Variants in RBFOX1 observed in about 807,000 individuals in gnomAD.
RBFOX1 encodes RNA binding protein fox-1 homolog 1.
RBFOX1 carries 8 observed loss-of-function variants against 57.7 expected under a neutral mutation model. That is an observed-to-expected ratio of 0.14 (90% CI 0.08 to 0.25). The LOEUF is 0.25. Among genes scored for constraint, RBFOX1 ranks in the 10% least tolerant of loss-of-function variants. The pLI is 1.00. For missense variants in RBFOX1, 611 were observed against 548.5 expected (o/e 1.11, Z -1.14); for synonymous variants, 326 against 222.4 (o/e 1.47, Z -4.15).
chr16:6,238,108 A>AG (rs2097520749), intron 1 of RBFOX1, among the ~76,000 whole-genome samples: 1 of 147,722 alleles, frequency 6.8e-6, no homozygotes, highest in East Asian at 2.0e-4. Flanking sequence ...AAAAAAAAAA[A>AG]AAAGAAAGAA....
chr16:7,289,607 T>TA (rs2095721076), intron 4 of RBFOX1, among the ~76,000 whole-genome samples: 1 of 152,124 alleles, frequency 6.6e-6, no homozygotes, highest in African/African-American at 2.4e-5. Context: ...ACTTTCATCA[T>TA]AGTCATCACC....
chr16:6,927,439 A>AAAAAAAC (rs869233820), intron 3 of RBFOX1, among the ~76,000 whole-genome samples: 6 of 149,658 alleles, frequency 4.0e-5, no homozygotes, highest in Non-Finnish European at 7.4e-5. Flanking sequence ...AAAAAAAAAA[A>AAAAAAAC]TCCGAACGTC....
chr16:7,444,160 G>C (rs537950664), intron 4 of RBFOX1, among the ~76,000 whole-genome samples: 1 of 152,212 alleles, frequency 6.6e-6, no homozygotes, highest in Non-Finnish European at 1.5e-5. Context: ...AGGGTTATTA[G>C]TTCAGATTAT....
intron 4 of RBFOX1, among the ~76,000 whole-genome samples, chr16:7,093,602 C>T (rs1381875563): frequency 1.3e-5 from 2 of 152,154 alleles, no homozygotes; most frequent in Non-Finnish European, 2.9e-5. Flanking sequence ...TAGAGGGAAA[C>T]TGGATGGATC....
At chr16:7,246,114 A>G (rs777260273) in intron 4 of RBFOX1, among the ~76,000 whole-genome samples, 33 of 152,312 alleles carry the variant, frequency 2.2e-4, no homozygotes, top group Non-Finnish European at 3.7e-4. Context: ...AGTTTTTTTC[A>G]TAACTTAGTT....
intron 4 of RBFOX1, among the ~76,000 whole-genome samples, chr16:7,319,990 A>G (rs952428458): frequency 1.3e-5 from 2 of 152,178 alleles, no homozygotes; most frequent in Admixed American, 6.5e-5. Context: ...TAAGCAGAAC[A>G]TATCTTCTAG....
At chr16:7,117,123 A>G (rs146739791) in intron 4 of RBFOX1, among the ~76,000 whole-genome samples, 25 of 152,276 alleles carry the variant, frequency 1.6e-4, no homozygotes, top group African/African-American at 5.8e-4. Flanking sequence ...GCAGTTCAGT[A>G]GGGTTGAAGA....
chr16:7,654,038 A>T (rs1173903994), intron 12 of RBFOX1, 91 bp downstream of exon 12: 1 of 1,355,918 alleles, frequency 7.4e-7, no homozygotes, highest in Non-Finnish European at 9.6e-7. Context: ...GATGGTCTTG[A>T]CTCCCCCTCC....
intron 3 of RBFOX1, among the ~76,000 whole-genome samples, chr16:6,931,358 C>CACAG (rs1567942636): frequency 1.3e-5 from 2 of 151,502 alleles, no homozygotes; most frequent in African/African-American, 4.9e-5. Context: ...CACACACACA[C>CACAG]ACACATACAT....
At position 6,331,606 on chromosome 16, in the gene RBFOX1, G is replaced by C. The variant is rs1042308097; in HGVS notation, c.-64+14549G>C. ...TATATATATGTGTGTGTATATATAT[G>C]TGTATATATATATATATAATCTATC... is the stretch of plus-strand genomic sequence containing the variant. On this transcript the variant is annotated intron_variant, in intron 2 of 15. Coordinates refer to ENST00000550418, the MANE Select transcript of RBFOX1 (RefSeq NM_018723.4). Among the ~76,000 whole-genome samples, 4 of 86,154 alleles carry C rather than the reference G, an allele frequency of 4.6e-5. No individual in the cohort carries two copies. In the East Asian group the frequency reaches 1.0e-3, roughly 21 times the overall value. The allele number at this position is 86,154 out of a possible 152,430, so 56.5% of individuals were successfully genotyped here. A position where few individuals can be genotyped will look rare whatever the true frequency, so the allele number is the denominator to read the frequency against.
At chr16:7,457,800 A>C (rs12596566) in intron 4 of RBFOX1, among the ~76,000 whole-genome samples, 80,096 of 151,394 alleles carry the variant, frequency 0.53, 21,481 homozygotes, top group East Asian at 0.76. Context: ...GCCTCACACC[A>C]AGCAGCCAAA....
intron 1 of RBFOX1, among the ~76,000 whole-genome samples, chr16:6,205,989 C>T (rs1471294074): frequency 6.7e-6 from 1 of 148,208 alleles, no homozygotes; most frequent in African/African-American, 2.5e-5. Flanking sequence ...TATATGTATT[C>T]TAGGGTCATC....
chr16:5,543,606 A>G (rs1166037360), intron 2 of RBFOX1, among the ~76,000 whole-genome samples: 8 of 152,178 alleles, frequency 5.3e-5, no homozygotes, highest in Admixed American at 6.5e-5. Context: ...AGAGATGGAG[A>G]GACAGAAAAA....
chr16:5,829,226 C>T (rs949007706), intron 3 of RBFOX1, among the ~76,000 whole-genome samples: 10 of 152,188 alleles, frequency 6.6e-5, no homozygotes, highest in Non-Finnish European at 1.2e-4. Context: ...AAGGCAGGGA[C>T]CGTCCTGCAG....
At chr16:5,901,826 C>G (rs1182427476) in intron 4 of RBFOX1, among the ~76,000 whole-genome samples, 2 of 152,196 alleles carry the variant, frequency 1.3e-5, no homozygotes, top group South Asian at 4.1e-4. Context: ...CCACCTAATG[C>G]TTTTGCTTAT....
At chr16:7,587,218 G>C in intron 6 of RBFOX1, 29 bp from the exon 7 acceptor site, 4 of 1,505,732 alleles carry the variant, frequency 2.7e-6, no homozygotes, top group Non-Finnish European at 3.6e-6. Context: ...TTCTCTTCTT[G>C]CTTATAAGAT....
intron 1 of RBFOX1, among the ~76,000 whole-genome samples, chr16:6,129,237 A>C (rs2152668312): frequency 6.6e-6 from 1 of 152,312 alleles, no homozygotes; most frequent in South Asian, 2.1e-4. Flanking sequence ...TGACTTTAAA[A>C]CCACAATTGT....
At chr16:6,398,188 C>T (rs1481542745) in intron 2 of RBFOX1, among the ~76,000 whole-genome samples, 1 of 152,154 alleles carries the variant, frequency 6.6e-6, no homozygotes, top group Non-Finnish European at 1.5e-5. Context: ...AGAACAGCAT[C>T]AGGGTCACCG....
chr16:7,225,528 C>T (rs919874327), intron 4 of RBFOX1, among the ~76,000 whole-genome samples: 3 of 148,614 alleles, frequency 2.0e-5, no homozygotes, highest in Non-Finnish European at 2.9e-5. Context: ...TTATAAATTA[C>T]CAGTCTCAAG....
Sources: gnomAD v4.1 joint callset for allele counts (sites outside exome capture counted in the v4.1 genomes callset) on GRCh38, gnomAD v4.1.1 for gene constraint, MANE v1.5 for transcripts, NCBI Gene and HGNC (gene_info 2026-07-23, HGNC 2026-07-21) for gene names.